EYS: variants seen among roughly 807,000 people sequenced by gnomAD.
EYS encodes protein eyes shut homolog.
Under a neutral mutation model 282.1 loss-of-function variants are expected in EYS, and 250 were observed. The ratio of observed to expected loss-of-function variants is 0.89; its 90% CI spans 0.80 to 0.98. The LOEUF (loss-of-function observed/expected upper bound fraction) is 0.98. Among genes scored for constraint, EYS ranks in the 50% least tolerant of loss-of-function variants. EYS has a pLI of 0.00. For synonymous variants in EYS, 1,355 were observed against 1,282.9 expected (o/e 1.06, Z -1.20); for missense variants, 4,016 against 3,709.0 (o/e 1.08, Z -2.15).
chr6:64,070,330 A>G (rs895356067), intron 32 of EYS, among the ~76,000 whole-genome samples: 3 of 152,170 alleles, frequency 2.0e-5, no homozygotes, highest in Non-Finnish European at 4.4e-5. Context: ...GTTTTCAGAT[A>G]TGACACATTT....
intron 11 of EYS, among the ~76,000 whole-genome samples, chr6:65,325,251 C>T (rs1430146845): frequency 6.6e-6 from 1 of 152,078 alleles, no homozygotes; most frequent in Admixed American, 6.6e-5. Flanking sequence ...CTTCATCTAG[C>T]TGTGATATTT....
intron 12 of EYS, among the ~76,000 whole-genome samples, chr6:65,211,092 G>A (rs1326629981): frequency 3.3e-5 from 5 of 151,880 alleles, no homozygotes; most frequent in South Asian, 4.1e-4. Flanking sequence ...GAGTATTAGC[G>A]ATATTAAATC....
At chr6:65,671,116 T>C (rs1768377652) in intron 1 of EYS, among the ~76,000 whole-genome samples, 1 of 152,154 alleles carries the variant, frequency 6.6e-6, no homozygotes, top group Admixed American at 6.6e-5. Context: ...GCATCCACTT[T>C]CTATTTCTCC....
At chr6:64,206,084 G>T (rs1333339544) in intron 31 of EYS, among the ~76,000 whole-genome samples, 1 of 151,994 alleles carries the variant, frequency 6.6e-6, no homozygotes, top group Non-Finnish European at 1.5e-5. Context: ...TACCTGGTAA[G>T]ACTCACTTTT....
At chr6:64,310,217 G>T (rs1769638281) in intron 29 of EYS, among the ~76,000 whole-genome samples, 1 of 152,102 alleles carries the variant, frequency 6.6e-6, no homozygotes, top group Non-Finnish European at 1.5e-5. Flanking sequence ...ACTCGACCCA[G>T]CAATCCCATC....
At chr6:64,600,749 T>C (rs900561942) in intron 24 of EYS, among the ~76,000 whole-genome samples, 5 of 152,124 alleles carry the variant, frequency 3.3e-5, no homozygotes, top group Non-Finnish European at 4.4e-5. Flanking sequence ...CTGATGTACT[T>C]GATGGTCAGT....
At chr6:64,443,832 A>C (rs1775032787) in intron 26 of EYS, among the ~76,000 whole-genome samples, 1 of 151,814 alleles carries the variant, frequency 6.6e-6, no homozygotes, top group African/African-American at 2.4e-5. Context: ...GTCCAATAAA[A>C]CTCTTTCTTT....
intron 22 of EYS, among the ~76,000 whole-genome samples, chr6:64,729,856 TA>T (rs1771894721): frequency 6.6e-6 from 1 of 152,214 alleles, no homozygotes; most frequent in Non-Finnish European, 1.5e-5. Context: ...AAAAGTTACT[TA>T]ATTGTGAAAC....
intron 19 of EYS, among the ~76,000 whole-genome samples, chr6:64,866,612 A>T (rs1370984857): frequency 1.3e-5 from 2 of 151,614 alleles, no homozygotes; most frequent in African/African-American, 4.8e-5. Context: ...ACTGTTTTTT[A>T]TTTTTTAGTT....
At chr6:64,674,591 T>C (rs935515788) in intron 22 of EYS, among the ~76,000 whole-genome samples, 6 of 152,072 alleles carry the variant, frequency 3.9e-5, no homozygotes, top group African/African-American at 1.4e-4. Context: ...TATTTACTAT[T>C]ATCTTTAATA....
At chr6:64,471,839 G>A (rs1257288403) in intron 26 of EYS, among the ~76,000 whole-genome samples, 1 of 152,146 alleles carries the variant, frequency 6.6e-6, no homozygotes, top group Non-Finnish European at 1.5e-5. Context: ...GAGATGAAGA[G>A]AGTTGGCTAA....
At chr6:64,071,525 GTAAA>G (rs1208536084) in intron 32 of EYS, among the ~76,000 whole-genome samples, 1 of 150,212 alleles carries the variant, frequency 6.7e-6, no homozygotes, top group African/African-American at 2.5e-5. Flanking sequence ...AAATTAATAA[GTAAA>G]TAAAATCTTT....
intron 36 of EYS, among the ~76,000 whole-genome samples, chr6:63,849,695 T>A (rs959238077): frequency 6.6e-6 from 1 of 152,030 alleles, no homozygotes; most frequent in Non-Finnish European, 1.5e-5. Context: ...AGATCAAAGG[T>A]AGATAAACCC....
At chr6:64,765,333 T>C (rs1042906694) in intron 22 of EYS, among the ~76,000 whole-genome samples, 1 of 152,162 alleles carries the variant, frequency 6.6e-6, no homozygotes, top group African/African-American at 2.4e-5. Flanking sequence ...TCCATATCAC[T>C]AGCACCATTT....
intron 41 of EYS, among the ~76,000 whole-genome samples, chr6:63,758,136 C>T (rs1163745022): frequency 6.6e-6 from 1 of 152,138 alleles, no homozygotes; most frequent in Non-Finnish European, 1.5e-5. Context: ...CTCCTAGCCT[C>T]AAACAGTCCT....
At chr6:63,924,808 T>G (rs1764670462) in intron 35 of EYS, among the ~76,000 whole-genome samples, 1 of 152,238 alleles carries the variant, frequency 6.6e-6, no homozygotes, top group Admixed American at 6.5e-5. Flanking sequence ...TCTTCTCAGC[T>G]TGGCTTTTTT....
chr6:65,123,865 C>A (rs939365006), intron 12 of EYS, among the ~76,000 whole-genome samples: 17 of 152,024 alleles, frequency 1.1e-4, no homozygotes, highest in Non-Finnish European at 2.5e-4. Context: ...TGAAAACAGT[C>A]ACTTTATCAG....
chr6:64,900,530 A>G (rs1159388843), intron 18 of EYS, among the ~76,000 whole-genome samples: 2 of 152,232 alleles, frequency 1.3e-5, no homozygotes, highest in East Asian at 3.8e-4. Flanking sequence ...AAACAAATTT[A>G]CAAGAAAAAA....
At chr6:65,678,097 A>G (rs1045180119) in intron 1 of EYS, among the ~76,000 whole-genome samples, 3 of 151,988 alleles carry the variant, frequency 2.0e-5, no homozygotes, top group African/African-American at 7.2e-5. Context: ...AATCATTGTG[A>G]AGGGAACGGG....
Sources: allele counts gnomAD v4.1 joint callset (sites outside exome capture counted in the v4.1 genomes callset), GRCh38; gene constraint gnomAD v4.1.1; transcripts MANE v1.5; gene names NCBI Gene and HGNC (gene_info 2026-07-23, HGNC 2026-07-21).